The following RBM47 variants were observed in gnomAD, a reference collection of about 807,000 sequenced individuals.
RBM47 encodes RNA binding motif protein 47.
RBM47 carries 21 observed loss-of-function variants against 47.1 expected under a neutral mutation model. The ratio of observed to expected loss-of-function variants is 0.45; its 90% confidence interval spans 0.32 to 0.64. RBM47 has a LOEUF of 0.64. Ranked by LOEUF, RBM47 falls within the 30% of genes least tolerant of loss-of-function variation. The pLI, the probability that RBM47 is intolerant of heterozygous loss-of-function variation, is 0.05. For missense variants in RBM47, 708 were observed against 870.9 expected (o/e 0.81, Z 2.35); for synonymous variants, 375 against 361.7 (o/e 1.04, Z -0.42).
chr4:40,600,131 C>T (rs774947954), intron 1 of RBM47, among the ~76,000 whole-genome samples: 30 of 152,058 alleles, frequency 2.0e-4, no homozygotes, highest in Admixed American at 5.2e-4. Context: ...ACCTCAGCCT[C>T]CTGAGCAGCT....
chr4:40,481,478 TTATTATTA>T (rs1560406160), intron 2 of RBM47, among the ~76,000 whole-genome samples: 11 of 127,038 alleles, frequency 8.7e-5, no homozygotes, highest in African/African-American at 2.7e-4. Flanking sequence ...ATTATTATTA[TTATTATTA>T]TTTTTATTTT....
intron 1 of RBM47, among the ~76,000 whole-genome samples, chr4:40,610,656 T>C (rs571254007): frequency 6.8e-6 from 1 of 147,654 alleles, no homozygotes; most frequent in African/African-American, 2.5e-5. Flanking sequence ...ACATAACACA[T>C]GCTATGTGAC....
intron 1 of RBM47, among the ~76,000 whole-genome samples, chr4:40,584,215 C>T (rs1315166280): frequency 1.3e-5 from 2 of 152,132 alleles, no homozygotes; most frequent in African/African-American, 4.8e-5. Context: ...TCTCCTGCTC[C>T]GGCCTCCCAA....
chr4:40,528,393 G>C (rs73235645), intron 2 of RBM47, among the ~76,000 whole-genome samples: 21,808 of 146,628 alleles, frequency 0.15, 1,743 homozygotes, highest in Middle Eastern at 0.3. Context: ...TGGCGACAGA[G>C]TGAGGCTTTT....
intron 1 of RBM47, among the ~76,000 whole-genome samples, chr4:40,581,734 A>G (rs538208633): frequency 1.7e-3 from 150 of 87,518 alleles, no homozygotes; most frequent in African/African-American, 5.1e-3. Context: ...GTGTGTGTGA[A>G]GAGAGGCTGC....
rs185670679 is a variant in RBM47, at chr4:40,437,500, G to T, written c.1123+271C>A. ...AGAATGGTGGACTAGCCCCTAACCCGGTGGACCTCGGCAAGGAAGAATTCC... is the reference window on the plus strand; with the variant it reads ...AGAATGGTGGACTAGCCCCTAACCCTGTGGACCTCGGCAAGGAAGAATTCC... On this transcript the variant is annotated intron_variant, in intron 4 of 6. Transcript: ENST00000295971. 3.4e-3 allele frequency among the ~76,000 whole-genome samples: 515 copies of T among 152,204 alleles called. 5 individuals are homozygous for T. Among genetic ancestry groups the T allele is most frequent in the African/African-American group, 0.012 (493 of 41,514 alleles).
At chr4:40,519,167 C>T (rs1408999853) in intron 2 of RBM47, among the ~76,000 whole-genome samples, 13 of 152,196 alleles carry the variant, frequency 8.5e-5, no homozygotes, top group African/African-American at 2.9e-4. Flanking sequence ...GCCAAGATCA[C>T]ACCACTGTAC....
intron 1 of RBM47, among the ~76,000 whole-genome samples, chr4:40,569,659 T>C (rs1339660901): frequency 1.3e-5 from 2 of 151,770 alleles, no homozygotes; most frequent in African/African-American, 4.8e-5. Context: ...TCCGCCCGCC[T>C]TGGCCTCCCA....
At chr4:40,609,286 G>A (rs1372820590) in intron 1 of RBM47, among the ~76,000 whole-genome samples, 1 of 148,162 alleles carries the variant, frequency 6.7e-6, no homozygotes, top group Admixed American at 6.7e-5. Context: ...CACCATGCCT[G>A]GCCTGCTAAT....
chr4:40,574,590 C>CT (rs1372698324), intron 1 of RBM47, among the ~76,000 whole-genome samples: 1 of 152,194 alleles, frequency 6.6e-6, no homozygotes, highest in Non-Finnish European at 1.5e-5. Flanking sequence ...TGGCTCACGC[C>CT]TGTAATCCCA....
intron 2 of RBM47, among the ~76,000 whole-genome samples, chr4:40,490,752 A>C (rs1460110602): frequency 2.6e-5 from 4 of 152,094 alleles, no homozygotes. Flanking sequence ...TCTCAAAAAA[A>C]AAAGAGAGAA....
intron 2 of RBM47, among the ~76,000 whole-genome samples, chr4:40,526,929 T>G (rs937534830): frequency 6.6e-6 from 1 of 151,504 alleles, no homozygotes; most frequent in Non-Finnish European, 1.5e-5. Context: ...CTGGCAGCAT[T>G]GACTGGTGAC....
chr4:40,573,024 G>C (rs1272886400), intron 1 of RBM47, among the ~76,000 whole-genome samples: 1 of 150,852 alleles, frequency 6.6e-6, no homozygotes, highest in African/African-American at 2.4e-5. Flanking sequence ...GTGGTGGTAG[G>C]TGCCTGTAAT....
intron 2 of RBM47, among the ~76,000 whole-genome samples, chr4:40,508,298 T>C (rs1298963470): frequency 1.3e-5 from 2 of 152,234 alleles, no homozygotes; most frequent in Non-Finnish European, 2.9e-5. Context: ...TTACTGCAGT[T>C]AAACAGCCAA....
chr4:40,615,078 A>G (rs780768330), intron 1 of RBM47, among the ~76,000 whole-genome samples: 35 of 152,070 alleles, frequency 2.3e-4, no homozygotes, highest in Non-Finnish European at 3.8e-4. Context: ...GTGAGGTATG[A>G]TCACACCACT....
chr4:40,614,030 C>A (rs1736469223), intron 1 of RBM47, among the ~76,000 whole-genome samples: 2 of 151,942 alleles, frequency 1.3e-5, no homozygotes, highest in Admixed American at 1.3e-4. Flanking sequence ...CCAAAAACAT[C>A]TCCAGACATT....
intron 2 of RBM47, among the ~76,000 whole-genome samples, chr4:40,493,075 C>T (rs1370663040): frequency 2.0e-5 from 3 of 152,056 alleles, no homozygotes; most frequent in East Asian, 3.9e-4. Context: ...AAAAACTAGC[C>T]CTGTCATTTT....
chr4:40,611,528 G>C (rs1023713791), intron 1 of RBM47, among the ~76,000 whole-genome samples: 1 of 151,630 alleles, frequency 6.6e-6, no homozygotes, highest in South Asian at 2.1e-4. Flanking sequence ...TCAGTAGTTC[G>C]AGGCTAACAT....
chr4:40,538,917 G>A (rs1167173616), intron 2 of RBM47, among the ~76,000 whole-genome samples: 1 of 152,182 alleles, frequency 6.6e-6, no homozygotes, highest in Non-Finnish European at 1.5e-5. Context: ...TTACAGATGT[G>A]AGCCACTGTG....
Sources: gnomAD v4.1 joint callset for allele counts (sites outside exome capture counted in the v4.1 genomes callset) on GRCh38, gnomAD v4.1.1 for gene constraint, MANE v1.5 for transcripts, NCBI Gene and HGNC (gene_info 2026-07-23, HGNC 2026-07-21) for gene names.